Variants in NHERF1 observed in about 807,000 individuals in gnomAD.
NHERF1 encodes Na(+)/H(+) exchange regulatory cofactor NHE-RF1.
At chr17:74,758,985 C>A in the NHERF1 span, among the ~76,000 whole-genome samples, 1 of 152,182 alleles carries the variant, frequency 6.6e-6, no homozygotes, top group African/African-American at 2.4e-5. The surrounding 1 kb of genome is among the most constrained non-coding windows in gnomAD (Gnocchi z 4.3). Flanking sequence ...GCAACTGGCA[C>A]TGACACCTCC....
the NHERF1 span, among the ~76,000 whole-genome samples, chr17:74,750,095 C>T: frequency 5.9e-4 from 90 of 152,324 alleles, no homozygotes; most frequent in African/African-American, 2.1e-3. Flanking sequence ...CTGGGGCTCA[C>T]GGCCCTGTGT....
At chr17:74,756,576 G>A in the NHERF1 span, among the ~76,000 whole-genome samples, 3 of 152,154 alleles carry the variant, frequency 2.0e-5, no homozygotes, top group African/African-American at 7.2e-5. Flanking sequence ...ACTGCACCCG[G>A]CCTATTTTTC....
At chr17:74,762,312 A>G in the NHERF1 span, 3 of 452,158 alleles carry the variant, frequency 6.6e-6, no homozygotes, top group Admixed American at 6.9e-5. This position sits in a 1 kb window ranked among gnomAD's most constrained non-coding sequence, Gnocchi z 4.2. Context: ...GGATGGGTGG[A>G]TGGGAGGGAG....
the NHERF1 span, among the ~76,000 whole-genome samples, chr17:74,755,892 A>G: frequency 1.3e-5 from 2 of 152,048 alleles, no homozygotes; most frequent in East Asian, 1.9e-4. Context: ...TGGATTACAC[A>G]TTGAAATGAT....
chr17:74,749,831 C>T, the NHERF1 span, among the ~76,000 whole-genome samples: 1 of 152,250 alleles, frequency 6.6e-6, no homozygotes, highest in African/African-American at 2.4e-5. The surrounding 1 kb of genome is among the most constrained non-coding windows in gnomAD (Gnocchi z 5.6). Context: ...TCCTGAACTT[C>T]AGTCCTGCTG....
At chr17:74,757,781 C>T in the NHERF1 span, among the ~76,000 whole-genome samples, 2 of 152,198 alleles carry the variant, frequency 1.3e-5, no homozygotes, top group African/African-American at 4.8e-5. Flanking sequence ...TTCCTTCCTG[C>T]CCCCGCCGTC....
the NHERF1 span, chr17:74,762,290 G>A: frequency 1.4e-6 from 1 of 699,796 alleles, no homozygotes; most frequent in Non-Finnish European, 2.4e-6. This position sits in a 1 kb window ranked among gnomAD's most constrained non-coding sequence, Gnocchi z 4.2. Context: ...AGCCAACCTG[G>A]AGCTGCTGGA....
chr17:74,753,611 G>C, the NHERF1 span, among the ~76,000 whole-genome samples: 2 of 152,036 alleles, frequency 1.3e-5, no homozygotes, highest in Admixed American at 6.6e-5. Flanking sequence ...CTTCCTGGCC[G>C]GGCGCAGTGA....
At chr17:74,749,187 A>G in the NHERF1 span, 5 of 1,528,862 alleles carry the variant, frequency 3.3e-6, no homozygotes, top group Admixed American at 2.0e-5. This position sits in a 1 kb window ranked among gnomAD's most constrained non-coding sequence, Gnocchi z 5.6. Flanking sequence ...CTGCGCGCCC[A>G]GGAAGCGCCG....
At chr17:74,758,082 G>C in the NHERF1 span, among the ~76,000 whole-genome samples, 1 of 152,274 alleles carries the variant, frequency 6.6e-6, no homozygotes. This position sits in a 1 kb window ranked among gnomAD's most constrained non-coding sequence, Gnocchi z 4.3. Context: ...TGGCCCCCAG[G>C]CTCCCACAGC....
chr17:74,753,511 C>T, the NHERF1 span, among the ~76,000 whole-genome samples: 1 of 152,312 alleles, frequency 6.6e-6, no homozygotes, highest in South Asian at 2.1e-4. Context: ...TCTTTCTTTG[C>T]TGGCAAAACA....
At chr17:74,749,853 C>T in the NHERF1 span, among the ~76,000 whole-genome samples, 1 of 152,250 alleles carries the variant, frequency 6.6e-6, no homozygotes, top group Non-Finnish European at 1.5e-5. The surrounding 1 kb of genome is among the most constrained non-coding windows in gnomAD (Gnocchi z 5.6). Flanking sequence ...ACTTCATCCT[C>T]CCGGAGTCCT....
chr17:74,760,190 G>T, the NHERF1 span, among the ~76,000 whole-genome samples: 1 of 152,126 alleles, frequency 6.6e-6, no homozygotes, highest in Non-Finnish European at 1.5e-5. The surrounding 1 kb of genome is among the most constrained non-coding windows in gnomAD (Gnocchi z 4.5). Flanking sequence ...ACTTACTCCC[G>T]GAACAAGATC....
At chr17:74,760,595 C>T in the NHERF1 span, among the ~76,000 whole-genome samples, 1 of 152,134 alleles carries the variant, frequency 6.6e-6, no homozygotes, top group African/African-American at 2.4e-5. The surrounding 1 kb of genome is among the most constrained non-coding windows in gnomAD (Gnocchi z 4.5). Flanking sequence ...CGCCTTCCCA[C>T]CCCTCTCGGC....
the NHERF1 span, chr17:74,762,109 G>A: frequency 3.1e-5 from 50 of 1,614,062 alleles, no homozygotes; most frequent in Admixed American, 1.2e-4. The surrounding 1 kb of genome is among the most constrained non-coding windows in gnomAD (Gnocchi z 4.2). Context: ...CAGTTCATCC[G>A]GTCAGTGGAC....
At chr17:74,767,324 T>C in the NHERF1 span, among the ~76,000 whole-genome samples, 1,600 of 152,208 alleles carry the variant, frequency 0.011, 24 homozygotes, top group African/African-American at 0.036. Context: ...CTGCTACTTC[T>C]AGTCTGGGTT....
the NHERF1 span, chr17:74,768,387 G>A: frequency 5.9e-6 from 9 of 1,531,060 alleles, no homozygotes; most frequent in East Asian, 4.5e-5. Flanking sequence ...GGCCCCAACG[G>A]AGCCACCTCA....
the NHERF1 span, among the ~76,000 whole-genome samples, chr17:74,765,666 C>T: frequency 5.3e-5 from 8 of 151,954 alleles, no homozygotes; most frequent in African/African-American, 1.9e-4. Flanking sequence ...ATTCTCCTGC[C>T]TCAGCCTCCT....
chr17:74,760,081 C>G, the NHERF1 span, among the ~76,000 whole-genome samples: 1 of 152,172 alleles, frequency 6.6e-6, no homozygotes, highest in South Asian at 2.1e-4. This position sits in a 1 kb window ranked among gnomAD's most constrained non-coding sequence, Gnocchi z 4.5. Context: ...GTCCTGGTGA[C>G]GGCGACTGGT....
Sources: gnomAD v4.1 joint callset for allele counts (sites outside exome capture counted in the v4.1 genomes callset) on GRCh38, gnomAD v4.1.1 for gene constraint, Gnocchi (gnomAD v3.1) non-coding constraint, MANE v1.5 for transcripts, NCBI Gene and HGNC (gene_info 2026-07-23, HGNC 2026-07-21) for gene names.